VEPH1: variants seen among roughly 807,000 people sequenced by gnomAD.
The protein encoded by VEPH1 is ventricular zone expressed PH domain containing 1, also known as ventricular zone-expressed PH domain-containing protein homolog 1.
In VEPH1, 80 loss-of-function variants were observed where a neutral mutation model predicts 85.2. That is an observed-to-expected ratio of 0.94 (90% confidence interval 0.78 to 1.13). The LOEUF (loss-of-function observed/expected upper bound fraction) is 1.13, where lower values mean the gene tolerates loss of function less well. Among genes scored for constraint, VEPH1 ranks in the 50% most tolerant of loss-of-function variants. The pLI, the probability that VEPH1 is intolerant of heterozygous loss-of-function variation, is 0.00. For synonymous variants in VEPH1, 297 were observed against 348.0 expected (o/e 0.85, Z 1.63); for missense variants, 955 against 980.5 (o/e 0.97, Z 0.35).
intron 7 of VEPH1, among the ~76,000 whole-genome samples, chr3:157,380,353 A>G (rs1270965365): frequency 6.6e-6 from 1 of 152,154 alleles, no homozygotes; most frequent in African/African-American, 2.4e-5. Flanking sequence ...AAGCTCCACA[A>G]TCACTCCTCA....
At chr3:157,373,325 T>C (rs1727721089) in intron 7 of VEPH1, among the ~76,000 whole-genome samples, 3 of 152,154 alleles carry the variant, frequency 2.0e-5, no homozygotes, top group Admixed American at 2.0e-4. Context: ...AGAAGAGTTA[T>C]TACAATCTGA....
chr3:157,457,459 A>G (rs1735477727), intron 4 of VEPH1, among the ~76,000 whole-genome samples: 1 of 152,146 alleles, frequency 6.6e-6, no homozygotes, highest in Non-Finnish European at 1.5e-5. Context: ...GTCTTGTGCC[A>G]GTTTTCAGTG....
chr3:157,312,900 ATTTTTTTTTTT>A (rs140277345), intron 11 of VEPH1, among the ~76,000 whole-genome samples: 1 of 98,102 alleles, frequency 1.0e-5, no homozygotes, highest in Non-Finnish European at 1.9e-5. Context: ...AAAAAAAAAC[ATTTTTTTTTTT>A]TTTTTTTTTT....
intron 12 of VEPH1, among the ~76,000 whole-genome samples, chr3:157,276,445 G>T (rs12490031): frequency 0.23 from 35,465 of 152,122 alleles, 4,276 homozygotes; most frequent in Non-Finnish European, 0.27. Flanking sequence ...AGCCTTGCAT[G>T]TTAAACAAGG....
chr3:157,410,037 G>T, intron 6 of VEPH1: 1 of 718,784 alleles, frequency 1.4e-6, no homozygotes, highest in Non-Finnish European at 1.7e-6. Context: ...GGATCTCAAA[G>T]TTGGATTGGC....
intron 2 of VEPH1, among the ~76,000 whole-genome samples, chr3:157,478,023 A>C (rs1394700868): frequency 6.6e-6 from 1 of 152,142 alleles, no homozygotes; most frequent in Admixed American, 6.6e-5. Flanking sequence ...ATGATGATAC[A>C]TTGCCCAAAT....
intron 6 of VEPH1, chr3:157,381,759 T>G: frequency 5.2e-6 from 1 of 191,926 alleles, no homozygotes; most frequent in Non-Finnish European, 1.1e-5. Flanking sequence ...AAAATCAGAG[T>G]CCCATGAGCA....
chr3:157,339,065 T>G (rs1399589635), intron 9 of VEPH1, among the ~76,000 whole-genome samples: 1 of 152,212 alleles, frequency 6.6e-6, no homozygotes, highest in Non-Finnish European at 1.5e-5. Context: ...ACTCTAGTTC[T>G]GGCCCTGGGA....
rs983966885 is a variant in VEPH1 at position 157,260,500 on chromosome 3, T to C, written c.*634A>G. 1 of 152,224 alleles carries C rather than the reference T, an allele frequency of 6.6e-6. No individual in the cohort carries two copies. Among genetic ancestry groups the C allele is most frequent in the Middle Eastern group, 3.2e-3 (1 of 316 alleles). The allele number at this position is 152,224 out of a possible 1,614,324, so 9.4% of individuals were successfully genotyped here. ...AGTATCTAAACTGTAGATTATATTA[T>C]ATGAACTTAAATGGAATAATTAAAT... On this transcript the variant is annotated 3_prime_UTR_variant, in exon 14 of 14. Coordinates refer to ENST00000362010, the MANE Select transcript of VEPH1 (RefSeq NM_001167912.2).
At chr3:157,466,407 T>C (rs911329423) in intron 3 of VEPH1, among the ~76,000 whole-genome samples, 6 of 152,152 alleles carry the variant, frequency 3.9e-5, no homozygotes, top group Non-Finnish European at 1.5e-5. Context: ...TAAACTCCAG[T>C]AGTTTGATGT....
At chr3:157,438,694 A>C (rs1458610446) in intron 4 of VEPH1, among the ~76,000 whole-genome samples, 1 of 152,208 alleles carries the variant, frequency 6.6e-6, no homozygotes, top group African/African-American at 2.4e-5. Flanking sequence ...GCAACTTCTC[A>C]AAGTCCCATG....
chr3:157,375,883 C>T (rs555081170), intron 7 of VEPH1, among the ~76,000 whole-genome samples: 1 of 152,282 alleles, frequency 6.6e-6, no homozygotes, highest in African/African-American at 2.4e-5. Flanking sequence ...AAAAACGCAA[C>T]ATTCATGTAA....
intron 6 of VEPH1, among the ~76,000 whole-genome samples, chr3:157,391,734 A>G (rs1024070375): frequency 6.6e-6 from 1 of 152,266 alleles, no homozygotes; most frequent in African/African-American, 2.4e-5. Context: ...TAAGAAATCC[A>G]GAGAATGCCT....
rs746174622 is a variant in VEPH1, at chr3:157,460,220, C to A, written c.490G>T (p.Ala164Ser). Residue 164 changes from alanine to serine, a missense_variant, in exon 4 of 14, where the codon GCT becomes TCT. By Grantham distance (99) the Ala-to-Ser change is moderately conservative. Coordinates refer to ENST00000362010, the MANE Select transcript of VEPH1 (RefSeq NM_001167912.2). ...LAAITKADLL[A>S]DHTEVIVKSI... is the part of the protein sequence containing the mutation. ...TTTACTATAACTTCCGTGTGATCAG[C>A]CAGGAGATCTGCCTTGGTAATTGCA... The A allele has an allele frequency of 2.0e-5, 32 of 1,614,048 alleles. No individual in the cohort carries two copies. Among genetic ancestry groups the A allele is most frequent in the Non-Finnish European group, 2.5e-5 (30 of 1,180,050 alleles).
At chr3:157,373,777 T>C (rs1727775059) in intron 7 of VEPH1, among the ~76,000 whole-genome samples, 1 of 152,190 alleles carries the variant, frequency 6.6e-6, no homozygotes, top group Admixed American at 6.5e-5. Flanking sequence ...CTTTCTTTTT[T>C]TGTGTGCCCT....
intron 4 of VEPH1, among the ~76,000 whole-genome samples, chr3:157,451,150 A>G (rs1428716192): frequency 2.0e-5 from 3 of 152,218 alleles, no homozygotes; most frequent in Admixed American, 2.0e-4. Context: ...AGTTTTAAAG[A>G]GATTGTAATG....
intron 4 of VEPH1, among the ~76,000 whole-genome samples, chr3:157,451,738 C>T (rs1734985489): frequency 6.6e-6 from 1 of 152,182 alleles, no homozygotes; most frequent in South Asian, 2.1e-4. Flanking sequence ...TGCCACAGCA[C>T]AAGAGTCTCC....
chr3:157,459,637 T>C (rs1049112786), intron 4 of VEPH1: 12 of 1,295,026 alleles, frequency 9.3e-6, no homozygotes, highest in Admixed American at 7.3e-5. Context: ...CATGAACTAA[T>C]TTGAGCTTCT....
intron 2 of VEPH1, among the ~76,000 whole-genome samples, chr3:157,490,356 T>G (rs759598542): frequency 1.3e-4 from 19 of 151,398 alleles, no homozygotes; most frequent in Non-Finnish European, 2.5e-4. Flanking sequence ...GACAAAGGAC[T>G]AATACAAGAA....
Sources: allele counts gnomAD v4.1 joint callset (sites outside exome capture counted in the v4.1 genomes callset), GRCh38; gene constraint gnomAD v4.1.1; transcripts MANE v1.5; gene names NCBI Gene and HGNC (gene_info 2026-07-23, HGNC 2026-07-21).